LRMDA: variants seen among roughly 807,000 people sequenced by gnomAD.
LRMDA encodes the protein leucine rich melanocyte differentiation associated.
In LRMDA, 18 loss-of-function variants were observed where a neutral mutation model predicts 29.8. The observed-to-expected ratio is 0.60, with a 90% CI of 0.42 to 0.90. The LOEUF is 0.90. Ranked by LOEUF, LRMDA falls within the 40% of genes least tolerant of loss-of-function variation. The pLI, the probability that LRMDA is intolerant of heterozygous loss-of-function variation, is 0.00. For missense variants in LRMDA, 273 were observed against 273.9 expected, an observed-to-expected ratio of 1.00 and a Z score of 0.02; for synonymous variants, 125 against 109.4, an observed-to-expected ratio of 1.14 and a Z score of -0.89.
At chr10:75,956,445 A>G (rs1846664876) in intron 2 of LRMDA, among the ~76,000 whole-genome samples, 1 of 152,192 alleles carries the variant, frequency 6.6e-6, no homozygotes, top group Non-Finnish European at 1.5e-5. Context: ...TGTCAGCTAC[A>G]AAACACATAA....
chr10:76,215,177 G>C (rs747673297), intron 5 of LRMDA, among the ~76,000 whole-genome samples: 13 of 152,294 alleles, frequency 8.5e-5, no homozygotes, highest in Non-Finnish European at 1.6e-4. Context: ...TCATCAGTTT[G>C]CTATTTTACA....
intron 2 of LRMDA, among the ~76,000 whole-genome samples, chr10:75,847,253 G>A (rs1430316031): frequency 2.6e-5 from 4 of 152,146 alleles, no homozygotes; most frequent in African/African-American, 7.2e-5. Flanking sequence ...TTCACCATGG[G>A]TAAAGGACAG....
chr10:75,510,069 A>T (rs543261840), intron 2 of LRMDA, among the ~76,000 whole-genome samples: 1 of 152,364 alleles, frequency 6.6e-6, no homozygotes, highest in South Asian at 2.1e-4. Context: ...TTTGTGTGAC[A>T]GGATATTTAA....
chr10:76,417,487 C>T, intron 6 of LRMDA, among the ~76,000 whole-genome samples: 1 of 151,902 alleles, frequency 6.6e-6, no homozygotes, highest in Non-Finnish European at 1.5e-5. Context: ...AAAAAAAATA[C>T]TGGCAATGGC....
intron 6 of LRMDA, among the ~76,000 whole-genome samples, chr10:76,540,997 C>A (rs1052003668): frequency 2.6e-5 from 4 of 152,176 alleles, no homozygotes; most frequent in African/African-American, 7.2e-5. Flanking sequence ...CATATAGTAT[C>A]CAGTCCTAGC....
chr10:76,225,883 C>A (rs1484851563), intron 5 of LRMDA, among the ~76,000 whole-genome samples: 2 of 127,674 alleles, frequency 1.6e-5, no homozygotes, highest in Admixed American at 1.6e-4. Flanking sequence ...CCCCTCCCCC[C>A]ACCCCACAAC....
chr10:76,488,353 G>A (rs988676029), intron 6 of LRMDA, among the ~76,000 whole-genome samples: 1 of 151,670 alleles, frequency 6.6e-6, no homozygotes, highest in Non-Finnish European at 1.5e-5. Context: ...CTCTGCCTCT[G>A]AGAAATCACT....
intron 5 of LRMDA, among the ~76,000 whole-genome samples, chr10:76,103,189 T>C (rs555839886): frequency 6.6e-6 from 1 of 152,348 alleles, no homozygotes. Context: ...CTTTGTAGCT[T>C]CTCTAAAGAG....
chr10:76,365,081 CACACATATAT>C (rs1197749418), intron 6 of LRMDA, among the ~76,000 whole-genome samples: 487 of 18,682 alleles, frequency 0.026, 8 homozygotes, highest in African/African-American at 0.086. Context: ...TACACACACA[CACACATATAT>C]ATATATATAT....
intron 5 of LRMDA, among the ~76,000 whole-genome samples, chr10:76,072,818 G>T (rs1327209195): frequency 6.6e-6 from 1 of 152,228 alleles, no homozygotes; most frequent in Admixed American, 6.5e-5. Context: ...TTTGTAAACT[G>T]CTCTTTATCA....
chr10:76,236,159 A>G (rs962616800), intron 5 of LRMDA, among the ~76,000 whole-genome samples: 1 of 152,166 alleles, frequency 6.6e-6, no homozygotes, highest in Admixed American at 6.5e-5. Context: ...GTCTAGCTAG[A>G]TCTCTAGGAA....
chr10:76,178,699 C>G (rs1323761172), intron 5 of LRMDA, among the ~76,000 whole-genome samples: 2 of 152,164 alleles, frequency 1.3e-5, no homozygotes, highest in African/African-American at 4.8e-5. Context: ...AGGATCTAGA[C>G]CATCAGAAGA....
chr10:76,062,910 T>C (rs1848726077), intron 5 of LRMDA, among the ~76,000 whole-genome samples: 1 of 151,954 alleles, frequency 6.6e-6, no homozygotes, highest in South Asian at 2.1e-4. Flanking sequence ...GAAACATAGA[T>C]CAAAGGGGTG....
intron 5 of LRMDA, among the ~76,000 whole-genome samples, chr10:76,214,349 TTTTTTTA>T (rs1216986116): frequency 8.9e-5 from 12 of 135,210 alleles, no homozygotes; most frequent in Non-Finnish European, 1.6e-4. Flanking sequence ...TTTTTTTTTT[TTTTTTTA>T]TGAGACGGAG....
At chr10:75,524,332 G>A (rs1235795854) in intron 2 of LRMDA, among the ~76,000 whole-genome samples, 1 of 152,112 alleles carries the variant, frequency 6.6e-6, no homozygotes. Context: ...GTTTGAATCT[G>A]TTCTCTGCCT....
intron 2 of LRMDA, among the ~76,000 whole-genome samples, chr10:75,541,040 T>G (rs1363721413): frequency 6.6e-6 from 1 of 152,166 alleles, no homozygotes; most frequent in Admixed American, 6.6e-5. Context: ...AGAAGAGTTT[T>G]AACAACTGTT....
intron 2 of LRMDA, among the ~76,000 whole-genome samples, chr10:75,975,123 ACTGAATC>A (rs1589273468): frequency 6.6e-6 from 1 of 152,214 alleles, no homozygotes; most frequent in East Asian, 1.9e-4. Flanking sequence ...GAGTTATTTT[ACTGAATC>A]CTGCATGGTA....
Position 76,143,680 on chromosome 10 carries a change from G to T in LRMDA, c.516+84897G>T, listed in dbSNP as rs1284460692. Among the ~76,000 whole-genome samples, 13 of 152,218 alleles carry T rather than the reference G, an allele frequency of 8.5e-5. 1 individual carries two copies. Among genetic ancestry groups the T allele is most frequent in the Non-Finnish European group, 1.9e-4 (13 of 68,044 alleles). Reference sequence around the variant, plus strand: ...TGATGGTAGTTTGTTTTGCTGTGCAGAAGCTGTTGAGTTTAATTAGATCCC... The same window carrying T: ...TGATGGTAGTTTGTTTTGCTGTGCATAAGCTGTTGAGTTTAATTAGATCCC... On this transcript the variant is annotated intron_variant, in intron 5 of 6. Coordinates refer to ENST00000611255, the MANE Select transcript of LRMDA (RefSeq NM_001305581.2).
At chr10:76,546,956 C>T (rs990814178) in intron 6 of LRMDA, among the ~76,000 whole-genome samples, 3 of 152,082 alleles carry the variant, frequency 2.0e-5, no homozygotes, top group East Asian at 1.9e-4. Context: ...GAATTATTGT[C>T]ATATTTTTAT....
Sources: allele counts gnomAD v4.1 joint callset (sites outside exome capture counted in the v4.1 genomes callset), GRCh38; gene constraint gnomAD v4.1.1; transcripts MANE v1.5; gene names NCBI Gene and HGNC (gene_info 2026-07-23, HGNC 2026-07-21).